The following CSMD1 variants were observed in gnomAD, a reference collection of about 807,000 sequenced individuals.
The protein encoded by CSMD1 is CUB and Sushi multiple domains 1.
In CSMD1, 213 loss-of-function variants were observed where a neutral mutation model predicts 417.5. That is an observed-to-expected ratio of 0.51 (90% CI 0.46 to 0.57). The LOEUF (loss-of-function observed/expected upper bound fraction) is 0.57. CSMD1 is among the 20% of genes least tolerant of loss of function. The probability of loss-of-function intolerance (pLI) is 0.00; values close to 1 mark genes in which losing one functional copy is unlikely to be tolerated. For synonymous variants in CSMD1, 2,862 were observed against 1,736.8 expected (o/e 1.65, Z -16.11); for missense variants, 6,923 against 4,529.7 (o/e 1.53, Z -15.17).
At chr8:4,970,753 T>C (rs1467229933) in intron 1 of CSMD1, among the ~76,000 whole-genome samples, 1 of 152,160 alleles carries the variant, frequency 6.6e-6, no homozygotes, top group South Asian at 2.1e-4. Context: ...TGGTTCTTTT[T>C]TTGACAAAAC....
chr8:4,600,014 G>C (rs574822159), intron 2 of CSMD1, among the ~76,000 whole-genome samples: 1 of 152,198 alleles, frequency 6.6e-6, no homozygotes, highest in African/African-American at 2.4e-5. Flanking sequence ...GAAAGTCTAG[G>C]GTTGGTTACC....
At chr8:4,009,845 T>A (rs189609032) in intron 4 of CSMD1, among the ~76,000 whole-genome samples, 51 of 152,086 alleles carry the variant, frequency 3.4e-4, no homozygotes, top group African/African-American at 1.2e-3. Flanking sequence ...ACTTACTTCA[T>A]GCCTGAGGCC....
intron 4 of CSMD1, among the ~76,000 whole-genome samples, chr8:4,005,063 C>G (rs973817520): frequency 2.0e-5 from 3 of 152,102 alleles, no homozygotes; most frequent in South Asian, 4.1e-4. Context: ...CCTATGTTCT[C>G]ACTGATGTGT....
intron 3 of CSMD1, among the ~76,000 whole-genome samples, chr8:4,406,420 A>G (rs1439084550): frequency 6.6e-6 from 1 of 152,216 alleles, no homozygotes; most frequent in African/African-American, 2.4e-5. Flanking sequence ...CATAAAAATG[A>G]TACCCCAAGA....
rs5017123 is a variant in CSMD1, at chr8:3,772,439, T to C, written c.819-18397A>G. ...TATATATACACATATATACATACAT[T>C]TATATATACACATATATATACATAT... is the stretch of plus-strand genomic sequence containing the variant. On this transcript the variant is annotated intron_variant, in intron 5 of 69. Transcript: ENST00000635120. Among the ~76,000 whole-genome samples the C allele has an allele frequency of 1.6e-3, 129 of 80,516 alleles. 34 individuals carry two copies. The highest frequency in any genetic ancestry group is 6.0e-3 in the East Asian group (13 of 2,162). 52.8% of individuals were successfully genotyped at this position (80,516 alleles called of 152,430 possible). A position where few individuals can be genotyped will look rare whatever the true frequency, so the allele number is the denominator to read the frequency against.
intron 2 of CSMD1, among the ~76,000 whole-genome samples, chr8:4,575,732 T>C (rs984012157): frequency 3.3e-5 from 5 of 152,300 alleles, no homozygotes; most frequent in South Asian, 2.1e-4. Context: ...CCAAGAGAAG[T>C]ATTCTTGATT....
At chr8:4,817,900 T>A (rs948981401) in intron 1 of CSMD1, among the ~76,000 whole-genome samples, 1 of 152,160 alleles carries the variant, frequency 6.6e-6, no homozygotes, top group African/African-American at 2.4e-5. Context: ...ATTAGAACAA[T>A]CAGCAACAAA....
chr8:4,952,110 T>A (rs1381754078), intron 1 of CSMD1, among the ~76,000 whole-genome samples: 1 of 151,854 alleles, frequency 6.6e-6, no homozygotes, highest in Non-Finnish European at 1.5e-5. Context: ...TAGATCTGAA[T>A]AGTCTTAATT....
chr8:3,690,607 G>A (rs1231826801), intron 7 of CSMD1, among the ~76,000 whole-genome samples: 1 of 152,172 alleles, frequency 6.6e-6, no homozygotes, highest in African/African-American at 2.4e-5. Context: ...ACGGTACTGT[G>A]ATGATATCAT....
chr8:4,298,238 G>A (rs1281067616), intron 3 of CSMD1, among the ~76,000 whole-genome samples: 1 of 152,088 alleles, frequency 6.6e-6, no homozygotes, highest in Non-Finnish European at 1.5e-5. Flanking sequence ...TCCTGTTTCT[G>A]CAATTAAAAC....
chr8:3,937,417 C>T (rs986704505), intron 5 of CSMD1, among the ~76,000 whole-genome samples: 1 of 152,148 alleles, frequency 6.6e-6, no homozygotes, highest in South Asian at 2.1e-4. Flanking sequence ...CAAGTCACCT[C>T]AATTCTCAGC....
intron 1 of CSMD1, among the ~76,000 whole-genome samples, chr8:4,837,965 T>C (rs1433475739): frequency 2.0e-5 from 3 of 152,134 alleles, no homozygotes; most frequent in Non-Finnish European, 4.4e-5. Flanking sequence ...CACTGAGGCA[T>C]TGCCTGTGAA....
At chr8:3,422,725 C>G (rs189465952) in intron 12 of CSMD1, among the ~76,000 whole-genome samples, 1 of 152,102 alleles carries the variant, frequency 6.6e-6, no homozygotes, top group African/African-American at 2.4e-5. Flanking sequence ...CCTTGTGCTG[C>G]GATAACAGAA....
intron 3 of CSMD1, among the ~76,000 whole-genome samples, chr8:4,314,109 T>C (rs1798789343): frequency 6.6e-6 from 1 of 152,056 alleles, no homozygotes; most frequent in Admixed American, 6.6e-5. Context: ...TCAACACTGA[T>C]ACCACCATGT....
At chr8:3,091,089 C>T (rs1334178343) in intron 48 of CSMD1, among the ~76,000 whole-genome samples, 4 of 151,786 alleles carry the variant, frequency 2.6e-5, no homozygotes, top group African/African-American at 9.7e-5. Context: ...TAGTGTGAAA[C>T]ATACATAAAG....
chr8:3,630,526 C>G (rs146954782), intron 7 of CSMD1, among the ~76,000 whole-genome samples: 1 of 152,156 alleles, frequency 6.6e-6, no homozygotes, highest in Admixed American at 6.5e-5. Flanking sequence ...TTCATCGTCG[C>G]TACTCCTACA....
chr8:2,957,783 A>G lies in CSMD1; in HGVS notation c.9727T>C (p.Cys3243Arg). ...CCTTGAATATGGTAGCCTTTTCTGC[A>G]CCTGAAAAAAACCGTGCTTCCAACC... is the stretch of plus-strand genomic sequence containing the variant. ...YEVGSTVFFR[C>R]RKGYHIQGST... Residue 3243 changes from cysteine (C) to arginine (R), a missense_variant, in exon 63 of 70, where the codon TGC becomes CGC. Transcript: ENST00000635120. 1 of 1,589,262 alleles carries G rather than the reference A, an allele frequency of 6.3e-7. No individual in the cohort carries two copies. Among genetic ancestry groups the G allele is most frequent in the Admixed American group, 1.8e-5 (1 of 56,548 alleles).
chr8:4,626,921 A>G (rs1388116910), intron 2 of CSMD1, among the ~76,000 whole-genome samples: 4 of 152,298 alleles, frequency 2.6e-5, no homozygotes, highest in Admixed American at 1.3e-4. Flanking sequence ...AGTACATTCA[A>G]ATATAAACAA....
At position 4,375,096 on chromosome 8, in the gene CSMD1, T is replaced by C. The variant is rs187875028; in HGVS notation, c.415+44857A>G. Among the ~76,000 whole-genome samples, 896 of 152,098 alleles carry C rather than the reference T, an allele frequency of 5.9e-3. 7 individuals carry two copies. The highest frequency in any genetic ancestry group is 0.02 in the African/African-American group (838 of 41,492). ...TGATGAATATTTCCAGGCATGTTCA[T>C]TGGCAGACCTGAAGAACGAAGTCAA... On this transcript the variant is annotated intron_variant, in intron 3 of 69. Transcript: ENST00000635120.
Sources: allele counts gnomAD v4.1 joint callset (sites outside exome capture counted in the v4.1 genomes callset), GRCh38; gene constraint gnomAD v4.1.1; transcripts MANE v1.5; gene names NCBI Gene and HGNC (gene_info 2026-07-23, HGNC 2026-07-21).